The following CNTNAP2 variants were observed in gnomAD, a reference collection of about 807,000 sequenced individuals.
CNTNAP2 encodes contactin-associated protein-like 2.
In CNTNAP2, 98 loss-of-function variants were observed where a neutral mutation model predicts 155.2. That is an observed-to-expected ratio of 0.63 (90% CI 0.54 to 0.75). The LOEUF (loss-of-function observed/expected upper bound fraction) is 0.75. Among genes scored for constraint, CNTNAP2 ranks in the 30% least tolerant of loss-of-function variants. The pLI, the probability that CNTNAP2 is intolerant of heterozygous loss-of-function variation, is 0.00. For synonymous variants in CNTNAP2, 651 were observed against 631.2 expected, an observed-to-expected ratio of 1.03 and a Z score of -0.47; for missense variants, 1,727 against 1,688.1, an observed-to-expected ratio of 1.02 and a Z score of -0.40.
chr7:147,508,190 G>T (rs1473736697), intron 11 of CNTNAP2, among the ~76,000 whole-genome samples: 1 of 152,158 alleles, frequency 6.6e-6, no homozygotes, highest in Non-Finnish European at 1.5e-5. Flanking sequence ...TTGAATGAAT[G>T]ATGTCTCTAG....
In CNTNAP2 at chr7:147,230,343, C is replaced by T. The variant is rs181798075; in HGVS notation, c.1349-69798C>T. On this transcript the variant is annotated intron_variant, in intron 8 of 23. Transcript: ENST00000361727. ...TGCGATCTCAGCTCACTGCAACCTC[C>T]GCCTCCTGGGTTCAAGCAATTCTCC... 3.0e-3 allele frequency among the ~76,000 whole-genome samples: 449 copies of T among 152,152 alleles called. 1 individual carries two copies. The highest frequency in any genetic ancestry group is 9.4e-3 in the African/African-American group (389 of 41,504).
At chr7:146,121,508 A>G (rs1292677252) in intron 1 of CNTNAP2, among the ~76,000 whole-genome samples, 1 of 152,168 alleles carries the variant, frequency 6.6e-6, no homozygotes, top group African/African-American at 2.4e-5. Context: ...TTGTCTGTTT[A>G]GTGATTGATG....
intron 22 of CNTNAP2, among the ~76,000 whole-genome samples, chr7:148,407,653 A>G (rs142014591): frequency 0.01 from 1,475 of 143,396 alleles, 28 homozygotes; most frequent in African/African-American, 0.036. Context: ...GCAGTGAGCC[A>G]TGATTGTGCC....
At chr7:148,147,768 TAC>T in intron 17 of CNTNAP2, 59 bp downstream of exon 17, 12 of 1,341,450 alleles carry the variant, frequency 8.9e-6, no homozygotes, top group Admixed American at 8.2e-5. Flanking sequence ...GCCTGCACAA[TAC>T]AAAAAAAAAA....
At chr7:147,056,378 A>C (rs1347165466) in intron 4 of CNTNAP2, among the ~76,000 whole-genome samples, 1 of 152,168 alleles carries the variant, frequency 6.6e-6, no homozygotes, top group Non-Finnish European at 1.5e-5. Context: ...TTAAGGGAAA[A>C]AAAAACCCTC....
At chr7:146,568,610 G>A (rs549908341) in intron 1 of CNTNAP2, among the ~76,000 whole-genome samples, 2 of 152,172 alleles carry the variant, frequency 1.3e-5, no homozygotes, top group Admixed American at 1.3e-4. Flanking sequence ...CTGCATTCTT[G>A]TGAAGTCTGC....
chr7:146,457,510 A>AGC (rs1298180106), intron 1 of CNTNAP2, among the ~76,000 whole-genome samples: 1 of 18,708 alleles, frequency 5.3e-5, no homozygotes, highest in African/African-American at 9.0e-5. Context: ...ATATATATAT[A>AGC]TATATATATA....
At chr7:147,614,398 G>T (rs1479970115) in intron 12 of CNTNAP2, among the ~76,000 whole-genome samples, 2 of 151,814 alleles carry the variant, frequency 1.3e-5, no homozygotes, top group Non-Finnish European at 2.9e-5. Context: ...CTCCCAATAA[G>T]TTCTTGCATA....
chr7:146,430,538 G>T (rs1172634319), intron 1 of CNTNAP2, among the ~76,000 whole-genome samples: 1 of 151,944 alleles, frequency 6.6e-6, no homozygotes, highest in East Asian at 1.9e-4. Context: ...TTTTATGGAG[G>T]CAGTAACTGC....
chr7:146,437,612 G>T (rs10487934), intron 1 of CNTNAP2, among the ~76,000 whole-genome samples: 7,743 of 151,460 alleles, frequency 0.051, 325 homozygotes, highest in Non-Finnish European at 0.08. Context: ...CTCAATTTGT[G>T]CTTCATTGAC....
rs181783913 is a variant in CNTNAP2, at chr7:147,303,834, A to G, written c.1498+3544A>G. ...CCTTTCTTTTAACTCTGTAAGAGACAGCCTCACAAGGAACACTGGAGACTT... is the reference window on the plus strand; with the variant it reads ...CCTTTCTTTTAACTCTGTAAGAGACGGCCTCACAAGGAACACTGGAGACTT... On this transcript the variant is annotated intron_variant, in intron 9 of 23. Coordinates refer to ENST00000361727, the MANE Select transcript of CNTNAP2 (RefSeq NM_014141.6). Among the ~76,000 whole-genome samples, 103 of 152,346 alleles carry G rather than the reference A, an allele frequency of 6.8e-4. 1 individual carries two copies. In the East Asian group the frequency reaches 0.02, roughly 29 times the overall value.
intron 4 of CNTNAP2, among the ~76,000 whole-genome samples, chr7:147,050,013 G>A (rs890098712): frequency 2.0e-5 from 3 of 152,118 alleles, no homozygotes; most frequent in Admixed American, 6.5e-5. Flanking sequence ...GACTTGTCTT[G>A]AATATAATAT....
intron 1 of CNTNAP2, among the ~76,000 whole-genome samples, chr7:146,346,351 C>G (rs1473560098): frequency 6.6e-6 from 1 of 152,186 alleles, no homozygotes; most frequent in Non-Finnish European, 1.5e-5. Context: ...CTATTGTCAA[C>G]TGTGCATGCA....
chr7:148,327,688 T>C (rs919964482), intron 21 of CNTNAP2, among the ~76,000 whole-genome samples: 5 of 152,220 alleles, frequency 3.3e-5, no homozygotes, highest in Non-Finnish European at 7.3e-5. Flanking sequence ...CGTATTATAA[T>C]AGACACTCAC....
At chr7:146,708,024 G>T (rs188994754) in intron 1 of CNTNAP2, among the ~76,000 whole-genome samples, 1 of 151,916 alleles carries the variant, frequency 6.6e-6, no homozygotes, top group Non-Finnish European at 1.5e-5. Flanking sequence ...GGGTTCTTAC[G>T]CCAAAAATAA....
intron 15 of CNTNAP2, among the ~76,000 whole-genome samples, chr7:148,011,329 G>T (rs1228163065): frequency 6.6e-6 from 1 of 152,064 alleles, no homozygotes; most frequent in Non-Finnish European, 1.5e-5. Context: ...GGCTATTGCT[G>T]ATTATACATC....
intron 13 of CNTNAP2, among the ~76,000 whole-genome samples, chr7:147,767,282 C>T (rs933791386): frequency 6.6e-6 from 1 of 151,890 alleles, no homozygotes; most frequent in Admixed American, 6.6e-5. Context: ...AACAAAAAAC[C>T]TCAAACGCTT....
intron 5 of CNTNAP2, among the ~76,000 whole-genome samples, chr7:147,115,846 C>T (rs1455042589): frequency 5.9e-5 from 9 of 152,248 alleles, no homozygotes; most frequent in Middle Eastern, 3.4e-3. Flanking sequence ...CAGTTCTGAG[C>T]GCTTGCTGGA....
At chr7:147,708,675 C>T (rs1250948217) in intron 13 of CNTNAP2, among the ~76,000 whole-genome samples, 1 of 152,102 alleles carries the variant, frequency 6.6e-6, no homozygotes, top group Admixed American at 6.5e-5. Context: ...CACTCACTTA[C>T]CCTTTTCCTC....
Sources: allele counts gnomAD v4.1 joint callset (sites outside exome capture counted in the v4.1 genomes callset), GRCh38; gene constraint gnomAD v4.1.1; transcripts MANE v1.5; gene names NCBI Gene and HGNC (gene_info 2026-07-23, HGNC 2026-07-21).